DACH1: variants seen among roughly 807,000 people sequenced by gnomAD.
DACH1 encodes dachshund family transcription factor 1, also known as dachshund homolog 1.
A neutral mutation model predicts 54.2 loss-of-function variants in DACH1; 12 were observed. The ratio of observed to expected loss-of-function variants is 0.22; its 90% CI spans 0.14 to 0.36. The LOEUF (loss-of-function observed/expected upper bound fraction) is 0.36. Among genes scored for constraint, DACH1 ranks in the 10% least tolerant of loss-of-function variants. The probability of loss-of-function intolerance (pLI) is 1.00; values close to 1 mark genes in which losing one functional copy is unlikely to be tolerated. For synonymous variants in DACH1, 386 were observed against 366.2 expected (o/e 1.05, Z -0.62); for missense variants, 805 against 929.8 (o/e 0.87, Z 1.75).
intron 1 of DACH1, among the ~76,000 whole-genome samples, chr13:71,834,807 C>A (rs920125783): frequency 6.6e-6 from 1 of 151,984 alleles, no homozygotes; most frequent in Non-Finnish European, 1.5e-5. Flanking sequence ...CACATTTTTG[C>A]ATTGGGAATC....
chr13:71,560,996 A>G (rs2138385336), intron 4 of DACH1, among the ~76,000 whole-genome samples: 1 of 152,210 alleles, frequency 6.6e-6, no homozygotes, highest in Admixed American at 6.5e-5. Context: ...CAAAATAGAG[A>G]AAAAAAATCT....
At chr13:71,846,123 A>C (rs1372462859) in intron 1 of DACH1, 1 of 177,054 alleles carries the variant, frequency 5.6e-6, no homozygotes, top group Non-Finnish European at 1.3e-5. Context: ...TGGGCAAGAG[A>C]TGCGCTTATG....
intron 2 of DACH1, among the ~76,000 whole-genome samples, chr13:71,642,398 A>G (rs1239655709): frequency 6.6e-6 from 1 of 152,182 alleles, no homozygotes; most frequent in Non-Finnish European, 1.5e-5. Context: ...ACATCTCTCT[A>G]CTTCCACTGG....
At chr13:71,618,989 G>A (rs1230972997) in intron 3 of DACH1, among the ~76,000 whole-genome samples, 1 of 149,450 alleles carries the variant, frequency 6.7e-6, no homozygotes, top group Non-Finnish European at 1.5e-5. Context: ...ATTTTTTTTT[G>A]CATAGGTGTG....
intron 1 of DACH1, among the ~76,000 whole-genome samples, chr13:71,735,179 TG>T (rs1237117223): frequency 1.4e-5 from 2 of 143,986 alleles, no homozygotes; most frequent in African/African-American, 2.5e-5. Flanking sequence ...TACTCGTATA[TG>T]GGATATACGT....
At chr13:71,723,669 T>G (rs1883337312) in intron 1 of DACH1, among the ~76,000 whole-genome samples, 2 of 151,982 alleles carry the variant, frequency 1.3e-5, no homozygotes, top group South Asian at 2.1e-4. Flanking sequence ...AAATGATAAA[T>G]TATTGTTTTG....
chr13:71,845,901 A>C (rs1039381367), intron 1 of DACH1: 2 of 153,088 alleles, frequency 1.3e-5, no homozygotes, highest in East Asian at 3.8e-4. Flanking sequence ...ATGATAACGA[A>C]CTCGTTAACA....
chr13:71,730,583 A>C (rs569344398), intron 1 of DACH1, among the ~76,000 whole-genome samples: 2 of 152,272 alleles, frequency 1.3e-5, no homozygotes, highest in Admixed American at 6.5e-5. Context: ...GAGCATGTAC[A>C]TATGAGTGTT....
chr13:71,792,914 T>C (rs1245838774), intron 1 of DACH1, among the ~76,000 whole-genome samples: 53 of 152,266 alleles, frequency 3.5e-4, no homozygotes, highest in Non-Finnish European at 4.4e-5. Context: ...AAGAGGTAAG[T>C]AGCCTACAGT....
Position 71,829,841 on chromosome 13 carries a change from T to C in DACH1, c.848+36081A>G, listed in dbSNP as rs527294827. ...AAATACATGTTGGCATTTGCACTTA[T>C]GTACTTTCTATTTGAGACCATCTAG... is the stretch of plus-strand genomic sequence containing the variant. On this transcript the variant is annotated intron_variant, in intron 1 of 10. Coordinates refer to ENST00000613252, the MANE Select transcript of DACH1 (RefSeq NM_080759.6). Among the ~76,000 whole-genome samples the C allele has an allele frequency of 5.9e-5, 9 of 152,072 alleles. No individual in the cohort carries two copies. In the East Asian group the frequency reaches 1.4e-3, roughly 23 times the overall value.
intron 1 of DACH1, among the ~76,000 whole-genome samples, chr13:71,733,809 T>A (rs774966949): frequency 1.3e-5 from 2 of 152,114 alleles, no homozygotes; most frequent in Non-Finnish European, 2.9e-5. Flanking sequence ...TATATGTAAT[T>A]TTGGTTCATA....
At chr13:71,538,965 A>G (rs937760648) in intron 6 of DACH1, among the ~76,000 whole-genome samples, 1 of 152,102 alleles carries the variant, frequency 6.6e-6, no homozygotes, top group African/African-American at 2.4e-5. Context: ...TTTATCACAT[A>G]AAAGTCATCT....
At chr13:71,682,824 CAATCATT>C (rs1880980918) in intron 1 of DACH1, among the ~76,000 whole-genome samples, 1 of 152,040 alleles carries the variant, frequency 6.6e-6, no homozygotes, top group Non-Finnish European at 1.5e-5. Context: ...CAGCTATTGG[CAATCATT>C]AATGGAAAAC....
chr13:71,667,953 T>G (rs1879953610), intron 2 of DACH1, among the ~76,000 whole-genome samples: 1 of 152,136 alleles, frequency 6.6e-6, no homozygotes, highest in African/African-American at 2.4e-5. Context: ...TAAAAGAATT[T>G]TATTAAGCAA....
chr13:71,785,829 C>T (rs184263735), intron 1 of DACH1, among the ~76,000 whole-genome samples: 101 of 152,298 alleles, frequency 6.6e-4, no homozygotes, highest in African/African-American at 2.4e-3. Flanking sequence ...CTTCAACTAA[C>T]CAATCCCATG....
intron 9 of DACH1, among the ~76,000 whole-genome samples, chr13:71,475,450 G>T (rs1877431085): frequency 6.6e-6 from 1 of 152,064 alleles, no homozygotes; most frequent in Non-Finnish European, 1.5e-5. Context: ...ATTTTATTGT[G>T]CTTCAGTAGA....
Position 71,831,923 on chromosome 13 carries a change from G to A in DACH1, c.848+33999C>T, listed in dbSNP as rs140199850. ...GCTCTCTTTATGGTGGGAACAGAGCGACCCTGGGGTGATTTATAATCTTGT... is the reference window on the plus strand; with the variant it reads ...GCTCTCTTTATGGTGGGAACAGAGCAACCCTGGGGTGATTTATAATCTTGT... On this transcript the variant is annotated intron_variant, in intron 1 of 10. Coordinates refer to ENST00000613252, the MANE Select transcript of DACH1 (RefSeq NM_080759.6). Among the ~76,000 whole-genome samples, 81 of 151,956 alleles carry A rather than the reference G, an allele frequency of 5.3e-4. No homozygotes were observed. The East Asian group carries it at 7.8e-3, about 15-fold the overall frequency.
At chr13:71,813,271 A>T (rs1026748769) in intron 1 of DACH1, among the ~76,000 whole-genome samples, 4 of 152,148 alleles carry the variant, frequency 2.6e-5, no homozygotes, top group Non-Finnish European at 5.9e-5. Flanking sequence ...ATAATCATAA[A>T]ATTATTTAGT....
At chr13:71,639,083 TC>T in intron 2 of DACH1, among the ~76,000 whole-genome samples, 1 of 152,290 alleles carries the variant, frequency 6.6e-6, no homozygotes, top group African/African-American at 2.4e-5. Context: ...TTAGAAGAAC[TC>T]TTGGCTCAAT....
Sources: gnomAD v4.1 joint callset for allele counts (sites outside exome capture counted in the v4.1 genomes callset) on GRCh38, gnomAD v4.1.1 for gene constraint, MANE v1.5 for transcripts, NCBI Gene and HGNC (gene_info 2026-07-23, HGNC 2026-07-21) for gene names.